Variants in PDGFC observed in about 807,000 individuals in gnomAD.
PDGFC encodes the protein platelet-derived growth factor C.
PDGFC carries 12 observed loss-of-function variants against 35.5 expected under a neutral mutation model. That is an observed-to-expected ratio of 0.34 (90% CI 0.22 to 0.55). The LOEUF (loss-of-function observed/expected upper bound fraction) is 0.55. Among genes scored for constraint, PDGFC ranks in the 20% least tolerant of loss-of-function variants. The pLI is 0.91. For missense variants in PDGFC, 322 were observed against 412.4 expected (o/e 0.78, Z 1.90); for synonymous variants, 159 against 148.8 (o/e 1.07, Z -0.50).
At chr4:156,890,350 C>T (rs1429546662) in intron 1 of PDGFC, among the ~76,000 whole-genome samples, 2 of 152,052 alleles carry the variant, frequency 1.3e-5, no homozygotes, top group African/African-American at 2.4e-5. Context: ...AATGAGGATC[C>T]GCCCCCTGCA....
chr4:156,782,273 C>A (rs911177821), intron 3 of PDGFC, among the ~76,000 whole-genome samples: 2 of 152,128 alleles, frequency 1.3e-5, no homozygotes, highest in Admixed American at 6.5e-5. Flanking sequence ...TATCCTATGT[C>A]GGTTTTCTGA....
chr4:156,768,576 C>G (rs1476841379), intron 4 of PDGFC, among the ~76,000 whole-genome samples: 1 of 151,854 alleles, frequency 6.6e-6, no homozygotes, highest in Non-Finnish European at 1.5e-5. Context: ...AAATGACATA[C>G]TTTATAAGAG....
chr4:156,953,795 G>A (rs1362487284), intron 1 of PDGFC, among the ~76,000 whole-genome samples: 10 of 151,896 alleles, frequency 6.6e-5, no homozygotes, highest in Admixed American at 5.3e-4. Context: ...AGCAGTCTAT[G>A]TTCACTATCA....
chr4:156,784,317 G>A (rs1731060982), intron 3 of PDGFC, among the ~76,000 whole-genome samples: 2 of 152,186 alleles, frequency 1.3e-5, no homozygotes, highest in Non-Finnish European at 2.9e-5. Flanking sequence ...GGGTCGGGAA[G>A]AGAGCCTGGA....
At chr4:156,836,547 C>T (rs1305328440) in intron 2 of PDGFC, among the ~76,000 whole-genome samples, 2 of 152,136 alleles carry the variant, frequency 1.3e-5, no homozygotes, top group Admixed American at 1.3e-4. Flanking sequence ...TTCAAAGAAT[C>T]ATCCTCCTGA....
At chr4:156,948,294 A>C in intron 1 of PDGFC, among the ~76,000 whole-genome samples, 1 of 151,870 alleles carries the variant, frequency 6.6e-6, no homozygotes, top group East Asian at 1.9e-4. Context: ...TTCCCAGACA[A>C]AACTCTTAGG....
At position 156,772,755 on chromosome 4, in the gene PDGFC, A is replaced by C. The variant is rs1292868915; in HGVS notation, c.634T>G (p.Leu212Val). 1 of 1,613,528 alleles carries C rather than the reference A, an allele frequency of 6.2e-7. No homozygotes were observed. The highest frequency in any genetic ancestry group is 1.1e-5 in the South Asian group (1 of 91,070). ...CAAGTTGGCCTATATAGATCTTCTA[A>C]GTCCAACTGCCATCTCTCTGGTTCA... ...YLEPERWQLD[L>V]EDLYRPTWQL... Residue 212 changes from leucine to valine, a missense_variant, in exon 4 of 6, where the codon TTA becomes GTA. Coordinates refer to ENST00000502773, the MANE Select transcript of PDGFC (RefSeq NM_016205.3).
intron 2 of PDGFC, among the ~76,000 whole-genome samples, chr4:156,816,822 C>T (rs185168590): frequency 9.9e-5 from 15 of 152,236 alleles, no homozygotes; most frequent in African/African-American, 2.6e-4. Flanking sequence ...TATCTCTATT[C>T]AGATTGGCCA....
chr4:156,904,365 T>C (rs11732576), intron 1 of PDGFC, among the ~76,000 whole-genome samples: 92,641 of 151,820 alleles, frequency 0.61, 28,473 homozygotes, highest in East Asian at 0.7. Flanking sequence ...TCTAACACTG[T>C]TAAAACAGGG....
chr4:156,946,879 AAGAAGACATCACCC>A (rs1448657733), intron 1 of PDGFC, among the ~76,000 whole-genome samples: 4 of 152,046 alleles, frequency 2.6e-5, no homozygotes, highest in Non-Finnish European at 4.4e-5. Context: ...CAAAAGCAGT[AAGAAGACATCACCC>A]AGTTTACTTA....
Position 156,762,156 on chromosome 4 carries a change from C to A in PDGFC, c.*934G>T, listed in dbSNP as rs771835806. ...AGATTAATCTAACTCTAGCACCATA[C>A]GAGAATGAAATACATGTATTTTTGT... is the stretch of plus-strand genomic sequence containing the variant. On this transcript the variant is annotated 3_prime_UTR_variant, in exon 6 of 6. Coordinates refer to ENST00000502773, the MANE Select transcript of PDGFC (RefSeq NM_016205.3). 1.3e-5 allele frequency: 2 copies of A among 152,530 alleles called. No individual in the cohort carries two copies. The highest frequency in any genetic ancestry group is 3.9e-4 in the East Asian group (2 of 5,194). The allele number at this position is 152,530 out of a possible 1,614,324, so 9.4% of individuals were successfully genotyped here.
intron 1 of PDGFC, among the ~76,000 whole-genome samples, chr4:156,891,573 G>T (rs1465289929): frequency 6.6e-6 from 1 of 152,146 alleles, no homozygotes; most frequent in Non-Finnish European, 1.5e-5. Flanking sequence ...CATCGCTGAG[G>T]ACATTATCCT....
rs1030602867 is a variant in PDGFC, at chr4:156,810,839, G to T, written c.493C>A (p.Pro165Thr). The change falls in exon 3 of 6, where the codon CCA (proline) becomes ACA (threonine). Residue 165 changes from proline (P) to threonine (T), a missense_variant and splice_region_variant. Physicochemically the swap from Pro to Thr is conservative, Grantham distance 38. Transcript: ENST00000502773. ...GGGGATCTGAAAGTGGTACTTACTG[G>T]CATGACAATGTTGTAGTGGATGCAG... Reference protein sequence around the residue: ...GFCIHYNIVMPQFTEAVSPSV... With the variant: ...GFCIHYNIVMTQFTEAVSPSV... 9 of 1,579,732 alleles carry T rather than the reference G, an allele frequency of 5.7e-6. No individual in the cohort carries two copies. Among genetic ancestry groups the T allele is most frequent in the Admixed American group, 5.2e-5 (3 of 57,482 alleles).
chr4:156,845,862 A>G (rs980626933), intron 2 of PDGFC, among the ~76,000 whole-genome samples: 2 of 151,868 alleles, frequency 1.3e-5, no homozygotes. Context: ...AACAGTCATA[A>G]CAGAGCCAAA....
chr4:156,921,111 CA>C (rs1453684295), intron 1 of PDGFC, among the ~76,000 whole-genome samples: 1 of 152,166 alleles, frequency 6.6e-6, no homozygotes, highest in Non-Finnish European at 1.5e-5. Flanking sequence ...GATTCCTAAG[CA>C]ATTTTAAGTT....
At chr4:156,954,710 T>A (rs564628419) in intron 1 of PDGFC, among the ~76,000 whole-genome samples, 1 of 152,158 alleles carries the variant, frequency 6.6e-6, no homozygotes, top group South Asian at 2.1e-4. Flanking sequence ...GCATTCATTT[T>A]ACTCAGTCTA....
In PDGFC at chr4:156,822,016, A is replaced by G. The variant is rs985742309; in HGVS notation, c.315-10999T>C. Among the ~76,000 whole-genome samples, 4 of 152,196 alleles carry G rather than the reference A, an allele frequency of 2.6e-5. No homozygotes were observed. In the East Asian group the frequency reaches 7.7e-4, roughly 29 times the overall value. On this transcript the variant is annotated intron_variant, in intron 2 of 5. Transcript: ENST00000502773. ...AATTTAGGACCAATATACAAATATC[A>G]AAAATTTTTCTTTAAGACAGAGAAA...
chr4:156,803,643 G>A (rs1172620101), intron 3 of PDGFC, among the ~76,000 whole-genome samples: 1 of 152,058 alleles, frequency 6.6e-6, no homozygotes, highest in East Asian at 1.9e-4. Context: ...AAATCATTTA[G>A]GAAGGGGAAA....
Position 156,968,771 on chromosome 4 carries a change from G to A in PDGFC, c.118+2015C>T, listed in dbSNP as rs143378600. On this transcript the variant is annotated intron_variant, in intron 1 of 5. Transcript: ENST00000502773. ...ACTTCCTGCTGCCATCCTTAACATA[G>A]ACCAACCCCCAAACATAGCCTAATC... 4.9e-3 allele frequency among the ~76,000 whole-genome samples: 742 copies of A among 152,130 alleles called. 10 individuals carry two copies. Among genetic ancestry groups the A allele is most frequent in the African/African-American group, 0.017 (702 of 41,504 alleles).
Sources: allele counts gnomAD v4.1 joint callset (sites outside exome capture counted in the v4.1 genomes callset), GRCh38; gene constraint gnomAD v4.1.1; transcripts MANE v1.5; gene names NCBI Gene and HGNC (gene_info 2026-07-23, HGNC 2026-07-21).